FHL2: variants seen among roughly 807,000 people sequenced by gnomAD.
FHL2 encodes four and a half LIM domains protein 2.
In FHL2, 20 loss-of-function variants were observed where a neutral mutation model predicts 32.7. The ratio of observed to expected loss-of-function variants is 0.61; its 90% CI spans 0.43 to 0.89. The LOEUF (loss-of-function observed/expected upper bound fraction) is 0.89. FHL2 is among the 40% of genes least tolerant of loss of function. The pLI is 0.00. For missense variants in FHL2, 311 were observed against 358.6 expected (o/e 0.87, Z 1.07); for synonymous variants, 123 against 128.1 (o/e 0.96, Z 0.27).
intron 1 of FHL2, among the ~76,000 whole-genome samples, chr2:105,414,131 A>G (rs1683867541): frequency 6.6e-6 from 1 of 152,174 alleles, no homozygotes; most frequent in South Asian, 2.1e-4. Context: ...GAAGCACTTT[A>G]TTAATATTTA....
chr2:105,405,058 A>G (rs1683585984), intron 1 of FHL2, among the ~76,000 whole-genome samples: 1 of 152,156 alleles, frequency 6.6e-6, no homozygotes, highest in South Asian at 2.1e-4. Context: ...TCACACCCAT[A>G]GTTCATTTGG....
chr2:105,424,587 T>C (rs1229611364), intron 1 of FHL2, among the ~76,000 whole-genome samples: 1 of 152,228 alleles, frequency 6.6e-6, no homozygotes, highest in Non-Finnish European at 1.5e-5. Flanking sequence ...CATATGTTTA[T>C]TGTGGCACTG....
At chr2:105,434,237 G>C (rs551690749) in intron 1 of FHL2, among the ~76,000 whole-genome samples, 10 of 152,216 alleles carry the variant, frequency 6.6e-5, no homozygotes, top group Non-Finnish European at 8.8e-5. Flanking sequence ...TTGCTCTTTT[G>C]CAATTGAAGT....
intron 1 of FHL2, among the ~76,000 whole-genome samples, chr2:105,419,294 G>A (rs1018171588): frequency 1.3e-5 from 2 of 151,956 alleles, no homozygotes; most frequent in Non-Finnish European, 2.9e-5. Context: ...GTGAAATTTG[G>A]GTGCACCCGT....
intron 1 of FHL2, chr2:105,438,392 C>T (rs1434924404): frequency 5.1e-6 from 5 of 985,478 alleles, no homozygotes; most frequent in African/African-American, 1.7e-5. Flanking sequence ...GAACCAGTGG[C>T]CCTTACCTGT....
chr2:105,409,299 C>T (rs947822356), intron 1 of FHL2, among the ~76,000 whole-genome samples: 4 of 152,256 alleles, frequency 2.6e-5, no homozygotes, highest in East Asian at 3.9e-4. Flanking sequence ...CAAACAAGGG[C>T]GCTGGGTGTA....
At chr2:105,396,075 T>G (rs952747464) in intron 2 of FHL2, among the ~76,000 whole-genome samples, 1 of 152,136 alleles carries the variant, frequency 6.6e-6, no homozygotes, top group African/African-American at 2.4e-5. Flanking sequence ...GAATGACAGT[T>G]GGTGGGGAGA....
intron 1 of FHL2, 118 bp from the exon 2 acceptor site, chr2:105,396,815 A>G: frequency 1.2e-6 from 1 of 846,392 alleles, no homozygotes; most frequent in Non-Finnish European, 1.9e-6. Context: ...TCATAATAAA[A>G]CCGCACAGAA....
At chr2:105,359,532 T>C (rs1023288426), downstream of FHL2, 1 of 152,226 alleles carries the variant, frequency 6.6e-6, no homozygotes, top group African/African-American at 2.4e-5. Context: ...TTTATTATAT[T>C]GCATTGTCTT....
intron 1 of FHL2, among the ~76,000 whole-genome samples, chr2:105,435,052 A>G (rs987142873): frequency 6.6e-6 from 1 of 152,196 alleles, no homozygotes; most frequent in Non-Finnish European, 1.5e-5. Flanking sequence ...ATGTAACATT[A>G]CTACCAATCT....
chr2:105,410,257 C>CT (rs1307903961), intron 1 of FHL2, among the ~76,000 whole-genome samples: 3 of 152,246 alleles, frequency 2.0e-5, no homozygotes, highest in African/African-American at 7.2e-5. Flanking sequence ...CCTGAGCAGT[C>CT]TTAAACCCAG....
chr2:105,360,319 A>AAG (rs1482988087), downstream of FHL2: 2 of 142,188 alleles, frequency 1.4e-5, no homozygotes, highest in African/African-American at 5.1e-5. Context: ...AAAAAAAAAA[A>AAG]GGGAGAGAAG....
intron 3 of FHL2, among the ~76,000 whole-genome samples, chr2:105,382,853 G>A (rs1681997831): frequency 6.6e-6 from 1 of 152,136 alleles, no homozygotes; most frequent in African/African-American, 2.4e-5. Flanking sequence ...CACAGTATTA[G>A]CAGCTGTCTC....
Position 105,367,609 on chromosome 2 carries a change from A to C in FHL2, c.462T>G (p.Tyr154Ter). The part of the protein sequence containing the change: ...KDNQNFCVPC[Y>*]EKQHAMQCVQ... ...CGCACTGCATGGCATGTTGTTTCTC[A>C]TAGCAGGGCACACAGAAATTCTGAT... Residue 154 changes from tyrosine to a stop codon, truncating the protein, a stop_gained, in exon 5 of 7, where the codon TAT (tyrosine) becomes TAG (stop). Transcript: ENST00000530340. LOFTEE classifies it high-confidence loss of function. 3.1e-6 allele frequency: 5 copies of C among 1,614,152 alleles called. No homozygotes were observed. The highest frequency in any genetic ancestry group is 3.4e-6 in the Non-Finnish European group (4 of 1,179,966).
intron 1 of FHL2, among the ~76,000 whole-genome samples, chr2:105,416,040 C>T (rs1018743964): frequency 6.6e-6 from 1 of 152,264 alleles, no homozygotes; most frequent in Admixed American, 6.5e-5. Context: ...TTAAAGAGTG[C>T]CTCAAAGAGT....
At chr2:105,425,000 C>A (rs1051425817) in intron 1 of FHL2, among the ~76,000 whole-genome samples, 1 of 152,010 alleles carries the variant, frequency 6.6e-6, no homozygotes, top group African/African-American at 2.4e-5. Flanking sequence ...CGTACATGTA[C>A]CCCAGAACTT....
chr2:105,433,628 G>A (rs1684506533), intron 1 of FHL2, among the ~76,000 whole-genome samples: 1 of 152,022 alleles, frequency 6.6e-6, no homozygotes, highest in African/African-American at 2.4e-5. Context: ...CAGTGCCTCG[G>A]CGTCCTCACC....
chr2:105,428,465 G>T (rs1002442310), intron 1 of FHL2, among the ~76,000 whole-genome samples: 1 of 152,224 alleles, frequency 6.6e-6, no homozygotes, highest in Non-Finnish European at 1.5e-5. Context: ...TGGCTGGTTT[G>T]CTGGGCCTTG....
chr2:105,412,621 C>G (rs1558726480), intron 1 of FHL2, among the ~76,000 whole-genome samples: 1 of 152,096 alleles, frequency 6.6e-6, no homozygotes. Context: ...TGAGGTCGTG[C>G]AAGAAAGCAC....
Sources: allele counts gnomAD v4.1 joint callset (sites outside exome capture counted in the v4.1 genomes callset), GRCh38; gene constraint gnomAD v4.1.1; transcripts MANE v1.5; gene names NCBI Gene and HGNC (gene_info 2026-07-23, HGNC 2026-07-21).